SDK2: variants seen among roughly 807,000 people sequenced by gnomAD.
The protein encoded by SDK2 is protein sidekick-2.
A neutral mutation model predicts 253.9 loss-of-function variants in SDK2; 105 were observed. The ratio of observed to expected loss-of-function variants is 0.41; its 90% CI spans 0.35 to 0.49. The LOEUF (loss-of-function observed/expected upper bound fraction) is 0.49, where lower values mean the gene tolerates loss of function less well. SDK2 is among the 20% of genes least tolerant of loss of function. SDK2 has a pLI of 0.06. For synonymous variants in SDK2, 1,249 were observed against 1,234.9 expected, an observed-to-expected ratio of 1.01 and a Z score of -0.24; for missense variants, 2,608 against 3,003.0, an observed-to-expected ratio of 0.87 and a Z score of 3.07.
intron 44 of SDK2, among the ~76,000 whole-genome samples, chr17:73,344,013 G>A (rs550410846): frequency 1.3e-5 from 2 of 152,216 alleles, no homozygotes; most frequent in African/African-American, 4.8e-5. Context: ...GGGGTGTTCC[G>A]CCTGTCCCCT....
Position 73,352,434 on chromosome 17 carries a change from T to C in SDK2, c.5758+39A>G. The C allele has an allele frequency of 5.0e-6, 8 of 1,585,572 alleles. No individual in the cohort carries two copies. The highest frequency in any genetic ancestry group is 6.9e-6 in the Non-Finnish European group (8 of 1,165,814). ...CCCAGTGTCAGCCCCCAGGCTCTGCTGTGGGGCTCCCCCACTCCCTCAGCC... is the reference window on the plus strand; with the variant it reads ...CCCAGTGTCAGCCCCCAGGCTCTGCCGTGGGGCTCCCCCACTCCCTCAGCC... On this transcript the variant is annotated intron_variant, in intron 41 of 44. Transcript: ENST00000392650. This position sits in a 1 kb window ranked among gnomAD's most constrained non-coding sequence, Gnocchi z 4.1.
rs2046375544 is a variant in SDK2, at chr17:73,639,771, C to T, written c.64+4254G>A. On this transcript the variant is annotated intron_variant, in intron 1 of 44. Coordinates refer to ENST00000392650, the MANE Select transcript of SDK2 (RefSeq NM_001144952.2). This position sits in a 1 kb window ranked among gnomAD's most constrained non-coding sequence, Gnocchi z 4.3. ...GGACCCCTTCAACCACAGCCAGATC[C>T]TAGGAAAACCAGCTATAAGGGGACA... 6.6e-6 allele frequency among the ~76,000 whole-genome samples: 1 copy of T among 152,060 alleles called. No homozygotes were observed. Among genetic ancestry groups the T allele is most frequent in the Non-Finnish European group, 1.5e-5 (1 of 67,966 alleles).
At chr17:73,342,292 G>A (rs888525035) in intron 44 of SDK2, among the ~76,000 whole-genome samples, 3 of 152,092 alleles carry the variant, frequency 2.0e-5, no homozygotes, top group African/African-American at 7.2e-5. Flanking sequence ...GAAAGTCCCT[G>A]GGCTCGGTCT....
chr17:73,506,532 C>T (rs571187631), intron 2 of SDK2, among the ~76,000 whole-genome samples: 2 of 152,214 alleles, frequency 1.3e-5, no homozygotes, highest in Admixed American at 1.3e-4. Context: ...AAGGACAGAT[C>T]AAGCAATGAT....
At chr17:73,624,654 CT>C (rs1224489431) in intron 1 of SDK2, among the ~76,000 whole-genome samples, 1 of 152,180 alleles carries the variant, frequency 6.6e-6, no homozygotes, top group African/African-American at 2.4e-5. Context: ...TTCATCAGGT[CT>C]GGGGTGAGGT....
Position 73,431,488 on chromosome 17 carries a change from C to T in SDK2, c.1480+14G>A, listed in dbSNP as rs762192843. 1.2e-6 allele frequency: 2 copies of T among 1,606,786 alleles called. No individual in the cohort carries two copies. Among genetic ancestry groups the T allele is most frequent in the Non-Finnish European group, 1.7e-6 (2 of 1,176,922 alleles). On this transcript the variant is annotated intron_variant, in intron 11 of 44. Transcript: ENST00000392650. The surrounding 1 kb of genome is among the most constrained non-coding windows in gnomAD (Gnocchi z 5.6). ...CACACAAATGTATAAAGCCCTGTGG[C>T]TCTGCACACTCACCCCAAACGACTA...
intron 4 of SDK2, among the ~76,000 whole-genome samples, chr17:73,448,734 T>C (rs899065136): frequency 1.4e-4 from 21 of 150,306 alleles, no homozygotes; most frequent in Non-Finnish European, 3.0e-4. Flanking sequence ...GATCTTGGCT[T>C]ACTGCAACCT....
chr17:73,436,320 T>TA (rs2063368419), intron 8 of SDK2, among the ~76,000 whole-genome samples: 1 of 152,058 alleles, frequency 6.6e-6, no homozygotes, highest in East Asian at 1.9e-4. Context: ...CTCATGCCTG[T>TA]AATCCCAGCA....
intron 40 of SDK2, among the ~76,000 whole-genome samples, chr17:73,356,438 C>T (rs1033964975): frequency 1.3e-5 from 2 of 152,110 alleles, no homozygotes; most frequent in African/African-American, 2.4e-5. Flanking sequence ...AATCCCTGGG[C>T]GAACCTCTCC....
chr17:73,518,874 C>G (rs2064052737), intron 1 of SDK2: 1 of 152,262 alleles, frequency 6.6e-6, no homozygotes, highest in Non-Finnish European at 1.5e-5. Context: ...AGTTTTACAG[C>G]TGAGACTTGA....
intron 13 of SDK2, among the ~76,000 whole-genome samples, 172 bp from the exon 14 acceptor site, chr17:73,423,694 C>G (rs1288136268): frequency 1.3e-5 from 2 of 152,200 alleles, no homozygotes; most frequent in Non-Finnish European, 2.9e-5. Context: ...AACCAGAGCC[C>G]TCCTGCTAAA....
chr17:73,441,276 T>C (rs942485912), intron 5 of SDK2, among the ~76,000 whole-genome samples: 1 of 151,948 alleles, frequency 6.6e-6, no homozygotes, highest in African/African-American at 2.4e-5. Context: ...TTGGTTTAGT[T>C]CTGCATTGTC....
Position 73,387,836 on chromosome 17 carries a change from C to A in SDK2, c.4394G>T (p.Arg1465Met). The change falls in exon 30 of 45, where the codon AGG (arginine) becomes ATG (methionine). Residue 1465 changes from arginine to methionine, a missense_variant and splice_region_variant. By Grantham distance (91) the Arg-to-Met change is moderately conservative. Transcript: ENST00000392650. ...ATGCTGGCATGGACCCGAGCCTTAC[C>A]TGTCCACAATGAAGCTGGAGGCATT... ...SHNASSFIVD[R>M]LKPFTSYKFR... 1 of 1,569,086 alleles carries A rather than the reference C, an allele frequency of 6.4e-7. No homozygotes were observed. The highest frequency in any genetic ancestry group is 2.4e-5 in the East Asian group (1 of 42,520).
intron 27 of SDK2, among the ~76,000 whole-genome samples, chr17:73,392,625 AG>A (rs2062937251): frequency 6.6e-6 from 1 of 151,958 alleles, no homozygotes; most frequent in Non-Finnish European, 1.5e-5. Flanking sequence ...ATATCTGTCA[AG>A]GCAGGAGGAT....
At chr17:73,532,750 GTGGGGCATGCAGCGGGGCTTAGT>G (rs2145806120) in intron 1 of SDK2, among the ~76,000 whole-genome samples, 1 of 152,262 alleles carries the variant, frequency 6.6e-6, no homozygotes, top group East Asian at 1.9e-4. Context: ...CCCACCAGAG[GTGGGGCATGCAGCGGGGCTTAGT>G]TGCATCCCAG....
At chr17:73,631,442 T>A (rs2046269344) in intron 1 of SDK2, among the ~76,000 whole-genome samples, 3 of 152,180 alleles carry the variant, frequency 2.0e-5, no homozygotes, top group Admixed American at 1.3e-4. Flanking sequence ...CCGGGCACCG[T>A]CTCAGGGCAG....
At position 73,632,095 on chromosome 17, in the gene SDK2, C is replaced by T. The variant is rs117917805; in HGVS notation, c.64+11930G>A. On this transcript the variant is annotated intron_variant, in intron 1 of 44. Coordinates refer to ENST00000392650, the MANE Select transcript of SDK2 (RefSeq NM_001144952.2). ...GGGAGGGGCAACAGCCGTATCCTCA[C>T]TCCCACCACCCTTAAGGCATGGCCA... 5.2e-4 allele frequency among the ~76,000 whole-genome samples: 79 copies of T among 152,388 alleles called. No individual in the cohort carries two copies. The East Asian group carries it at 0.013, about 26-fold the overall frequency.
In SDK2 at chr17:73,403,225, G is replaced by A. The variant is rs377675832; in HGVS notation, c.2485-1084C>T. Among the ~76,000 whole-genome samples the A allele has an allele frequency of 1.8e-4, 28 of 152,256 alleles. No individual in the cohort carries two copies. In the East Asian group the frequency reaches 4.8e-3, roughly 26 times the overall value. On this transcript the variant is annotated intron_variant, in intron 18 of 44. Coordinates refer to ENST00000392650, the MANE Select transcript of SDK2 (RefSeq NM_001144952.2). The stretch of plus-strand genomic sequence containing the variant: ...GCCCCATGTGAGCTGGGGCAGCTTC[G>A]TCTTTGGAGCTCTCCAAGGGTTACT...
chr17:73,427,584 AAAAAT>A lies in SDK2; in HGVS notation c.1583+2922_1583+2926del, dbSNP rs1383608364. Among the ~76,000 whole-genome samples, 6 of 115,180 alleles carry A rather than the reference AAAAAT, an allele frequency of 5.2e-5. No homozygotes were observed. In the East Asian group the frequency reaches 1.9e-3, roughly 36 times the overall value. The allele number at this position is 115,180 out of a possible 152,430, so 75.6% of individuals were successfully genotyped here. ...TCAATTACAAAACAAAAACAAAGAT[AAAAAT>A]AAAAAAGAAGTCTTTTCAACAAACA... On this transcript the variant is annotated intron_variant, in intron 12 of 44. Transcript: ENST00000392650.
Sources: gnomAD v4.1 joint callset for allele counts (sites outside exome capture counted in the v4.1 genomes callset) on GRCh38, gnomAD v4.1.1 for gene constraint, Gnocchi (gnomAD v3.1) non-coding constraint, MANE v1.5 for transcripts, NCBI Gene and HGNC (gene_info 2026-07-23, HGNC 2026-07-21) for gene names.